OTOF: variants seen among roughly 807,000 people sequenced by gnomAD.
OTOF encodes fer-1-like family member 2.
In OTOF, 218 loss-of-function variants were observed where a neutral mutation model predicts 236.8. The observed-to-expected ratio is 0.92, with a 90% confidence interval of 0.82 to 1.03. The LOEUF (loss-of-function observed/expected upper bound fraction) is 1.03. OTOF is among the 50% of genes least tolerant of loss of function. OTOF has a pLI of 0.00. For synonymous variants in OTOF, 1,041 were observed against 1,072.5 expected, an observed-to-expected ratio of 0.97 and a Z score of 0.57; for missense variants, 2,590 against 2,694.4, an observed-to-expected ratio of 0.96 and a Z score of 0.86.
intron 3 of OTOF, among the ~76,000 whole-genome samples, chr2:26,522,696 T>C (rs60996294): frequency 1.3e-5 from 2 of 152,256 alleles, no homozygotes; most frequent in East Asian, 3.9e-4. Context: ...ATGTGTTCTG[T>C]GGGAAGGAGC....
In OTOF at chr2:26,457,253, A is replaced by G. The variant is rs925602546; in HGVS notation, c.*985T>C. 3.9e-5 allele frequency: 6 copies of G among 152,964 alleles called. No homozygotes were observed. The highest frequency in any genetic ancestry group is 8.7e-5 in the Non-Finnish European group (6 of 68,612). 9.5% of individuals were successfully genotyped at this position (152,964 alleles called of 1,614,324 possible). ...AGAAAAATCACCACTCAAGAAAAGA[A>G]AAACAGCCAACAGAAACCCAGACAC... On this transcript the variant is annotated 3_prime_UTR_variant, in exon 47 of 47. Transcript: ENST00000272371. The surrounding 1 kb of genome is among the most constrained non-coding windows in gnomAD (Gnocchi z 4.4).
At chr2:26,527,976 G>A (rs1330899097) in intron 2 of OTOF, 56 bp from the exon 3 acceptor site, 4 of 1,230,074 alleles carry the variant, frequency 3.3e-6, no homozygotes, top group Non-Finnish European at 4.8e-6. Context: ...GGAGCCGTGG[G>A]GTGTGGGAGG....
chr2:26,482,331 G>T, intron 14 of OTOF, 75 bp downstream of exon 14: 2 of 1,375,840 alleles, frequency 1.5e-6, no homozygotes, highest in South Asian at 1.2e-5. Flanking sequence ...GGTGTGAAGA[G>T]AGGGCATCTC....
At position 26,516,763 on chromosome 2, in the gene OTOF, A is replaced by G. The variant is rs111736770; in HGVS notation, c.328-164T>C. On this transcript the variant is annotated intron_variant, in intron 4 of 46. Transcript: ENST00000272371. ...TCTGCCCCATTTTGCTGATGAGAAA[A>G]CAGAGGCTCTGAAAGGCTGACTTGT... Among the ~76,000 whole-genome samples, 3,477 of 152,108 alleles carry G rather than the reference A, an allele frequency of 0.023. 143 individuals are homozygous for G. Among genetic ancestry groups the G allele is most frequent in the African/African-American group, 0.08 (3,322 of 41,470 alleles).
chr2:26,489,945 G>A (rs115613662), intron 9 of OTOF, among the ~76,000 whole-genome samples: 3 of 152,236 alleles, frequency 2.0e-5, no homozygotes, highest in Non-Finnish European at 4.4e-5. Context: ...CCATCCCCTA[G>A]GTGGGGCTGG....
At chr2:26,463,401 C>T in intron 41 of OTOF, 82 bp downstream of exon 41, 1 of 1,178,510 alleles carries the variant, frequency 8.5e-7, no homozygotes, top group East Asian at 2.5e-5. Context: ...GGACCTGAGC[C>T]CCCCGCAGGA....
chr2:26,472,147 C>A (rs532850243), intron 30 of OTOF, among the ~76,000 whole-genome samples: 1 of 151,284 alleles, frequency 6.6e-6, no homozygotes, highest in Non-Finnish European at 1.5e-5. Flanking sequence ...TATGCACATA[C>A]CCCACATACA....
At position 26,481,380 on chromosome 2, in the gene OTOF, C is replaced by T. The variant is rs115863236; in HGVS notation, c.1580-371G>A. ...CTCTGTCCCACCACGGTGACCCTGCCAGTGCAGACCCCTCCCCTCCTTGCT... is the reference window on the plus strand; with the variant it reads ...CTCTGTCCCACCACGGTGACCCTGCTAGTGCAGACCCCTCCCCTCCTTGCT... On this transcript the variant is annotated intron_variant, in intron 14 of 46. Transcript: ENST00000272371. Among the ~76,000 whole-genome samples, 479 of 152,294 alleles carry T rather than the reference C, an allele frequency of 3.1e-3. 3 individuals are homozygous for T. The highest frequency in any genetic ancestry group is 0.011 in the African/African-American group (455 of 41,552).
Position 26,497,227 on chromosome 2 carries a change from C to T in OTOF, c.766-2154G>A, listed in dbSNP as rs144975369. ...AAGCTATTCTCCAGACTCAGCCTCC[C>T]GAGTAGCTGGGATTATAGGCGCCTG... On this transcript the variant is annotated intron_variant, in intron 8 of 46. Transcript: ENST00000272371. Among the ~76,000 whole-genome samples the T allele has an allele frequency of 3.7e-4, 56 of 151,598 alleles. 1 individual carries two copies. In the East Asian group the frequency reaches 0.01, roughly 28 times the overall value.
At chr2:26,500,577 G>C (rs774904771) in intron 8 of OTOF, among the ~76,000 whole-genome samples, 3 of 152,130 alleles carry the variant, frequency 2.0e-5, no homozygotes, top group Non-Finnish European at 4.4e-5. Flanking sequence ...AAACCCCTAA[G>C]GAATCCAATG....
chr2:26,533,159 A>T (rs1291196351), intron 2 of OTOF, among the ~76,000 whole-genome samples: 1 of 152,184 alleles, frequency 6.6e-6, no homozygotes, highest in Non-Finnish European at 1.5e-5. Flanking sequence ...CATATGCAAG[A>T]GATCTAGGCT....
chr2:26,543,474 A>C (rs931864025), intron 1 of OTOF, among the ~76,000 whole-genome samples: 2 of 152,190 alleles, frequency 1.3e-5, no homozygotes, highest in Non-Finnish European at 2.9e-5. Context: ...TACAAGCACG[A>C]GGGGGCATGG....
At position 26,516,605 on chromosome 2, in the gene OTOF, G is replaced by T; in HGVS notation, c.328-6C>A. 1 of 1,603,536 alleles carries T rather than the reference G, an allele frequency of 6.2e-7. No homozygotes were observed. The highest frequency in any genetic ancestry group is 1.1e-5 in the South Asian group (1 of 91,076). Reference sequence around the variant, plus strand: ...ACCTCCACGCACAGGCTGGTCTGAAGGGAGGGAGGCGGTGGTGAGCAGCTG... The same window carrying T: ...ACCTCCACGCACAGGCTGGTCTGAATGGAGGGAGGCGGTGGTGAGCAGCTG... On this transcript the variant is annotated splice_polypyrimidine_tract_variant and splice_region_variant and intron_variant, in intron 4 of 46. Transcript: ENST00000272371.
rs1664904044 is a variant in OTOF, at chr2:26,470,014, G to C, written c.4023+579C>G. ...AACTTGCAATCTGGCCAAACAGATG[G>C]AACCCACATATGTGTAATAGGGGAA... On this transcript the variant is annotated intron_variant, in intron 32 of 46. Transcript: ENST00000272371. The surrounding 1 kb of genome is among the most constrained non-coding windows in gnomAD (Gnocchi z 4.3). Among the ~76,000 whole-genome samples, 1 of 152,206 alleles carries C rather than the reference G, an allele frequency of 6.6e-6. No homozygotes were observed.
intron 1 of OTOF, among the ~76,000 whole-genome samples, chr2:26,556,946 T>C (rs562577627): frequency 3.3e-5 from 5 of 152,318 alleles, no homozygotes; most frequent in African/African-American, 1.2e-4. Flanking sequence ...AGCATGAGCC[T>C]GCAGGTGGCA....
chr2:26,527,688 A>T, intron 3 of OTOF, 144 bp downstream of exon 3: 2 of 721,052 alleles, frequency 2.8e-6, no homozygotes, highest in Non-Finnish European at 2.6e-6. Context: ...CCAGCCCAAG[A>T]TTTCTTCGGT....
Position 26,470,655 on chromosome 2 carries a change from G to A in OTOF, c.3961C>T (p.Pro1321Ser), listed in dbSNP as rs755265887. 1 of 1,613,984 alleles carries A rather than the reference G, an allele frequency of 6.2e-7. No homozygotes were observed. Among genetic ancestry groups the A allele is most frequent in the South Asian group, 1.1e-5 (1 of 91,082 alleles). ...CACCAGTCCAGCATGCTCTCGTCTG[G>A]CTCCTCCTCCTCTGGCTCCTCCGCA... ...GTAEEPEEEE[P>S]DESMLDWWSK... The change falls in exon 32 of 47, where the codon CCA (proline) becomes TCA (serine). Residue 1321 changes from proline (P) to serine (S), a missense_variant. By Grantham distance (74) the Pro-to-Ser change is moderately conservative. Around this residue, in one of 2 missense-constraint regions of OTOF, gnomAD observed 1,211 missense variants for 1,352.8 expected, o/e 0.90. Coordinates refer to ENST00000272371, the MANE Select transcript of OTOF (RefSeq NM_194248.3). This position sits in a 1 kb window ranked among gnomAD's most constrained non-coding sequence, Gnocchi z 4.3.
rs952623680 is a variant in OTOF at position 26,467,152 on chromosome 2, C to T, written c.4309G>A (p.Gly1437Arg). The change falls in exon 35 of 47, where the codon GGG becomes AGG. Residue 1437 changes from glycine (G) to arginine (R), a missense_variant. Transcript: ENST00000272371. ...HTFNLLRGKT[G>R]DDEDGSTEEE... ...TCGGTGGAGCCATCCTCATCATCCC[C>T]GGTCTTGCCCCGAAGCAAGTTGAAA... 7 of 1,613,880 alleles carry T rather than the reference C, an allele frequency of 4.3e-6. No homozygotes were observed. Among genetic ancestry groups the T allele is most frequent in the African/African-American group, 1.3e-5 (1 of 74,860 alleles).
intron 1 of OTOF, among the ~76,000 whole-genome samples, chr2:26,555,367 G>T (rs986306364): frequency 6.6e-6 from 1 of 152,200 alleles, no homozygotes. Context: ...CAATGGGATT[G>T]TGACTCCTGG....
Sources: gnomAD v4.1 joint callset for allele counts (sites outside exome capture counted in the v4.1 genomes callset) on GRCh38, gnomAD v4.1.1 for gene constraint, gnomAD v4.1.1 regional missense constraint, Gnocchi (gnomAD v3.1) non-coding constraint, MANE v1.5 for transcripts, NCBI Gene and HGNC (gene_info 2026-07-23, HGNC 2026-07-21) for gene names.